The following MCM7 variants were observed in gnomAD, a reference collection of about 807,000 sequenced individuals.
MCM7 encodes the protein DNA replication licensing factor MCM7.
A neutral mutation model predicts 83.5 loss-of-function variants in MCM7; 95 were observed. That is an observed-to-expected ratio of 1.14 (90% CI 0.96 to 1.35). The LOEUF (loss-of-function observed/expected upper bound fraction) is 1.35, where lower values mean the gene tolerates loss of function less well. MCM7 is among the 40% of genes most tolerant of loss of function. The pLI is 0.00. For synonymous variants in MCM7, 461 were observed against 352.7 expected (o/e 1.31, Z -3.44); for missense variants, 1,087 against 957.4 (o/e 1.14, Z -1.79).
In MCM7 at chr7:100,098,894, C is replaced by A. The variant is rs1048899514; in HGVS notation, c.582+129G>T. On this transcript the variant is annotated intron_variant, in intron 5 of 14. Transcript: ENST00000303887. ...AATAGGTAGAAAGACCACTACATACCCAAGAATGAAAGGCGAACACACAGG... is the reference window on the plus strand; with the variant it reads ...AATAGGTAGAAAGACCACTACATACACAAGAATGAAAGGCGAACACACAGG... 2.9e-6 allele frequency: 4 copies of A among 1,396,518 alleles called. No homozygotes were observed. The African/African-American group carries it at 5.7e-5, about 20-fold the overall frequency. 86.5% of individuals were successfully genotyped at this position (1,396,518 alleles called of 1,614,324 possible).
rs941062855 is a variant in MCM7 at position 100,095,799 on chromosome 7, G to A, written c.1570C>T (p.Arg524Trp). ...RFDLLWLIQD[R>W]PDRDNDLRLA... is the part of the protein sequence containing the mutation. Reference sequence around the variant, plus strand: ...CGTAGGTCATTGTCTCGGTCGGGCCGGTCCTGAATCAGCCAGAGGAGGTCA... The same window carrying A: ...CGTAGGTCATTGTCTCGGTCGGGCCAGTCCTGAATCAGCCAGAGGAGGTCA... Residue 524 changes from arginine to tryptophan, a missense_variant, in exon 11 of 15, where the codon CGG becomes TGG. Coordinates refer to ENST00000303887, the MANE Select transcript of MCM7 (RefSeq NM_005916.5). 29 of 1,594,074 alleles carry A rather than the reference G, an allele frequency of 1.8e-5. No homozygotes were observed. The Middle Eastern group carries it at 1.0e-3, about 55-fold the overall frequency.
intron 7 of MCM7, 60 bp downstream of exon 7, chr7:100,098,081 T>TAGAATGAG: frequency 6.3e-7 from 1 of 1,594,324 alleles, no homozygotes; most frequent in East Asian, 2.2e-5. Context: ...TCTGTGTGGG[T>TAGAATGAG]AGAATGAGTA....
At chr7:100,095,040 G>A (rs766358047) in intron 12 of MCM7, among the ~76,000 whole-genome samples, 3 of 152,172 alleles carry the variant, frequency 2.0e-5, no homozygotes, top group Admixed American at 6.5e-5. Flanking sequence ...TTAACCAGGC[G>A]TGGTGGCGTG....
rs534946834 is a variant in MCM7 at position 100,095,641 on chromosome 7, T to C, written c.1595+133A>G. ...CAACCCACCATTTCCCTGAGAACCA[T>C]GGACCAGCCCCTGCTGCAAAGGGGA... On this transcript the variant is annotated intron_variant, in intron 11 of 14. Coordinates refer to ENST00000303887, the MANE Select transcript of MCM7 (RefSeq NM_005916.5). 151 of 1,367,372 alleles carry C rather than the reference T, an allele frequency of 1.1e-4. 2 individuals carry two copies. In the South Asian group the frequency reaches 1.8e-3, roughly 16 times the overall value. 84.7% of individuals were successfully genotyped at this position (1,367,372 alleles called of 1,614,324 possible). A position where few individuals can be genotyped will look rare whatever the true frequency, so the allele number is the denominator to read the frequency against.
In MCM7 at chr7:100,100,035, C is replaced by T; in HGVS notation, c.90G>A (p.Gln30=). 6.2e-7 allele frequency: 1 copy of T among 1,614,176 alleles called. No homozygotes were observed. The highest frequency in any genetic ancestry group is 8.5e-7 in the Non-Finnish European group (1 of 1,179,996). ...FYQDDELGKK[Q]FKYGNQLVRL... ...TTACCAACTGGTTCCCATACTTGAA[C>T]TGCTTCTTCCCGAGTTCATCATCCT... The change falls in exon 2 of 15, where the codon CAG becomes CAA. Residue 30 remains glutamine, a synonymous_variant. Transcript: ENST00000303887.
At chr7:100,099,788 C>T in intron 2 of MCM7, 35 bp from the exon 3 acceptor site, 1 of 1,609,952 alleles carries the variant, frequency 6.2e-7, no homozygotes, top group South Asian at 1.1e-5. Context: ...ACCTCAGAGC[C>T]ACATTCACTT....
At chr7:100,094,982 G>A (rs940059638) in intron 12 of MCM7, among the ~76,000 whole-genome samples, 2 of 152,190 alleles carry the variant, frequency 1.3e-5, no homozygotes. Context: ...GCAGAGGTGG[G>A]CATCCTGGCC....
intron 3 of MCM7, 66 bp from the exon 4 acceptor site, chr7:100,099,469 A>G: frequency 6.3e-7 from 1 of 1,587,164 alleles, no homozygotes; most frequent in South Asian, 1.1e-5. Context: ...GAGCACAGAG[A>G]ACACCAGGCA....
intron 10 of MCM7, among the ~76,000 whole-genome samples, chr7:100,096,779 CAAAA>C (rs1445573531): frequency 6.6e-6 from 1 of 151,712 alleles, no homozygotes; most frequent in Non-Finnish European, 1.5e-5. Context: ...TCAAAAAAAA[CAAAA>C]AACAAAACAA....
chr7:100,100,962 G>A (rs1301405657), intron 1 of MCM7: 61 of 1,023,474 alleles, frequency 6.0e-5, no homozygotes, highest in Non-Finnish European at 5.3e-6. Flanking sequence ...ACTCTCCTGA[G>A]GTCCTGGGCG....
chr7:100,100,063 T>C lies in MCM7; in HGVS notation c.62A>G (p.Tyr21Cys). The C allele has an allele frequency of 6.2e-7, 1 of 1,614,158 alleles. No individual in the cohort carries two copies. The highest frequency in any genetic ancestry group is 8.5e-7 in the Non-Finnish European group (1 of 1,179,972). ...EKVKKFLQEF[Y>C]QDDELGKKQF... The stretch of plus-strand genomic sequence containing the variant: ...CTTCTTCCCGAGTTCATCATCCTGG[T>C]AGAACTCTTGTAAGAACTTCTTAAC... The change falls in exon 2 of 15, where the codon TAC becomes TGC. Residue 21 changes from tyrosine to cysteine, a missense_variant. Physicochemically the swap from Tyr to Cys is radical, Grantham distance 194. Transcript: ENST00000303887.
chr7:100,100,833 C>G (rs977409804), intron 1 of MCM7: 7 of 1,005,952 alleles, frequency 7.0e-6, no homozygotes, highest in Non-Finnish European at 7.1e-6. Context: ...CCAATCCCGG[C>G]GCGCAGCGGC....
rs780582378 is a variant in MCM7, at chr7:100,098,240, T to C, written c.771A>G (p.Val257=). Residue 257 remains valine (V), a synonymous_variant, in exon 7 of 15, where the codon GTA becomes GTG. Transcript: ENST00000303887. The part of the protein sequence containing the change: ...GNIPRSITVL[V]EGENTRIAQP... Reference sequence around the variant, plus strand: ...GGGCAATCCTTGTGTTCTCTCCTTCTACCAGCACCGTGATACTACGAGGGA... The same window carrying C: ...GGGCAATCCTTGTGTTCTCTCCTTCCACCAGCACCGTGATACTACGAGGGA... The C allele has an allele frequency of 5.0e-6, 8 of 1,613,956 alleles. No homozygotes were observed. The Admixed American group carries it at 6.7e-5, about 13-fold the overall frequency.
chr7:100,093,129 G>C lies in MCM7; in HGVS notation c.1963C>G (p.Gln655Glu). The C allele has an allele frequency of 6.2e-7, 1 of 1,613,702 alleles. No homozygotes were observed. The highest frequency in any genetic ancestry group is 8.5e-7 in the Non-Finnish European group (1 of 1,179,798). ...LGDKGQTART[Q>E]RPADVIFATV... ...GCAAATATCACATCTGCTGGTCTCT[G>C]AGTCCTGAAGGAAATGAGTGGGTGT... The change falls in exon 15 of 15, where the codon CAG becomes GAG. Residue 655 changes from glutamine to glutamate, a missense_variant. Gln to Glu is a conservative substitution (Grantham distance 29, BLOSUM62 2). Coordinates refer to ENST00000303887, the MANE Select transcript of MCM7 (RefSeq NM_005916.5).
Position 100,094,644 on chromosome 7 carries a change from T to C in MCM7, c.1680-303A>G, listed in dbSNP as rs181289005. Reference sequence around the variant, plus strand: ...GATCCAGACCCCTCCTCTGAGCGCATGACATGGCAAAACATATATTTTATT... The same window carrying C: ...GATCCAGACCCCTCCTCTGAGCGCACGACATGGCAAAACATATATTTTATT... On this transcript the variant is annotated intron_variant, in intron 12 of 14. Transcript: ENST00000303887. 3.9e-5 allele frequency among the ~76,000 whole-genome samples: 6 copies of C among 152,274 alleles called. No individual in the cohort carries two copies. In the East Asian group the frequency reaches 5.8e-4, roughly 15 times the overall value.
intron 12 of MCM7, among the ~76,000 whole-genome samples, chr7:100,095,061 C>T (rs1176752144): frequency 2.0e-5 from 3 of 152,248 alleles, no homozygotes; most frequent in Non-Finnish European, 2.9e-5. Flanking sequence ...CGCCTGTAAT[C>T]CCAGCTACTC....
chr7:100,094,399 G>A (rs2116557631), intron 12 of MCM7, 58 bp from the exon 13 acceptor site: 2 of 1,598,116 alleles, frequency 1.3e-6, no homozygotes, highest in Non-Finnish European at 1.7e-6. Flanking sequence ...GAGTGAATAT[G>A]AGCCCATGTT....
chr7:100,093,691 C>T (rs190066007), intron 13 of MCM7: 58 of 689,122 alleles, frequency 8.4e-5, no homozygotes, highest in Admixed American at 2.5e-4. Flanking sequence ...CCCTTTTGAA[C>T]GCCACTGGGC....
chr7:100,094,286 C>T lies in MCM7; in HGVS notation c.1735G>A (p.Asp579Asn). 1 of 1,614,194 alleles carries T rather than the reference C, an allele frequency of 6.2e-7. No homozygotes were observed. Among genetic ancestry groups the T allele is most frequent in the Admixed American group, 1.7e-5 (1 of 60,016 alleles). Residue 579 changes from aspartate to asparagine, a missense_variant, in exon 13 of 15, where the codon GAC (aspartate) becomes AAC (asparagine). By Grantham distance (23) the Asp-to-Asn change is conservative (BLOSUM62 1). Transcript: ENST00000303887. ...TCCACGTATGCTGCTGTGATGTAGT[C>T]AGCCAGAGACTCTGGCACCATGGGC... ...KQPMVPESLADYITAAYVEMR... is the reference protein window; with the variant it reads ...KQPMVPESLANYITAAYVEMR...
Sources: gnomAD v4.1 joint callset for allele counts (sites outside exome capture counted in the v4.1 genomes callset) on GRCh38, gnomAD v4.1.1 for gene constraint, MANE v1.5 for transcripts, NCBI Gene and HGNC (gene_info 2026-07-23, HGNC 2026-07-21) for gene names.